The following NRCAM variants were observed in gnomAD, a reference collection of about 807,000 sequenced individuals.
The protein encoded by NRCAM is NgCAM-related cell adhesion molecule.
NRCAM carries 83 observed loss-of-function variants against 156.5 expected under a neutral mutation model. That is an observed-to-expected ratio of 0.53 (90% CI 0.44 to 0.64). NRCAM has a LOEUF of 0.64. NRCAM is among the 30% of genes least tolerant of loss of function. The pLI, the probability that NRCAM is intolerant of heterozygous loss-of-function variation, is 0.00. For missense variants in NRCAM, 1,417 were observed against 1,597.3 expected, an observed-to-expected ratio of 0.89 and a Z score of 1.92; for synonymous variants, 538 against 563.9, an observed-to-expected ratio of 0.95 and a Z score of 0.65.
intron 28 of NRCAM, among the ~76,000 whole-genome samples, chr7:108,171,381 G>C (rs1016867305): frequency 6.6e-6 from 1 of 152,120 alleles, no homozygotes. Flanking sequence ...ATCTGGCCCC[G>C]CCCACTGCTC....
chr7:108,318,931 G>A (rs2098966272), intron 2 of NRCAM, among the ~76,000 whole-genome samples: 1 of 152,208 alleles, frequency 6.6e-6, no homozygotes, highest in Non-Finnish European at 1.5e-5. Context: ...AGACTTCTAT[G>A]TCAAGTGGGA....
At chr7:108,264,474 C>T (rs2097012769) in intron 3 of NRCAM, among the ~76,000 whole-genome samples, 1 of 152,236 alleles carries the variant, frequency 6.6e-6, no homozygotes, top group Non-Finnish European at 1.5e-5. Flanking sequence ...TCTTGGGTCT[C>T]ACCAACAACA....
At chr7:108,338,657 C>A (rs1480863407) in intron 2 of NRCAM, among the ~76,000 whole-genome samples, 1 of 149,852 alleles carries the variant, frequency 6.7e-6, no homozygotes, top group Admixed American at 6.6e-5. Flanking sequence ...GAGAAAGAGG[C>A]AGAGAGACAA....
Position 108,194,411 on chromosome 7 carries a change from C to A in NRCAM, c.1481G>T (p.Gly494Val). 3.1e-6 allele frequency: 5 copies of A among 1,599,674 alleles called. No homozygotes were observed. In the South Asian group the frequency reaches 5.7e-5, roughly 18 times the overall value. ...PTIEWFKGAK[G>V]SALHEDIYVL... ...ATAAATATCTTCATGAAGAGCACTT[C>A]CTTTAGCTCCTTTAAACCTTCATTA... is the stretch of plus-strand genomic sequence containing the variant. The change falls in exon 16 of 33, where the codon GGA becomes GTA. Residue 494 changes from glycine (G) to valine (V), a missense_variant. Around this residue, in one of 2 missense-constraint regions of NRCAM, gnomAD observed 1,238 missense variants for 1,336.4 expected, o/e 0.93. Transcript: ENST00000379028.
At chr7:108,421,549 A>C (rs1398138512) in intron 1 of NRCAM, among the ~76,000 whole-genome samples, 1 of 152,238 alleles carries the variant, frequency 6.6e-6, no homozygotes, top group Admixed American at 6.5e-5. Context: ...CATGAAGTAG[A>C]TATTAGAATC....
At position 108,232,346 on chromosome 7, in the gene NRCAM, T is replaced by C. The variant is rs544436033; in HGVS notation, c.407A>G (p.Asn136Ser). 1 of 1,605,408 alleles carries C rather than the reference T, an allele frequency of 6.2e-7. No homozygotes were observed. Among genetic ancestry groups the C allele is most frequent in the East Asian group, 2.2e-5 (1 of 44,540 alleles). ...CTTACTGGATGGGCGGACAACAATG[T>C]TATTAGAAACTGCAGCTCCGCGTTC... ...RNERGAAVSN[N>S]IVVRPSRSPL... Residue 136 changes from asparagine (N) to serine (S), a missense_variant, in exon 7 of 33, where the codon AAC (asparagine) becomes AGC (serine). Physicochemically the swap from Asn to Ser is conservative, Grantham distance 46 (BLOSUM62 1). Coordinates refer to ENST00000379028, the MANE Select transcript of NRCAM (RefSeq NM_001037132.4).
chr7:108,241,485 A>C (rs2095525378), intron 3 of NRCAM, among the ~76,000 whole-genome samples: 1 of 152,160 alleles, frequency 6.6e-6, no homozygotes. Flanking sequence ...AAACTGCTGT[A>C]CCTCCCACAA....
At chr7:108,285,922 A>G (rs2098081216) in intron 3 of NRCAM, among the ~76,000 whole-genome samples, 1 of 152,188 alleles carries the variant, frequency 6.6e-6, no homozygotes, top group Non-Finnish European at 1.5e-5. Flanking sequence ...TAGCTTCAAA[A>G]CCAAATTAAA....
At chr7:108,283,834 T>C (rs897561336) in intron 3 of NRCAM, among the ~76,000 whole-genome samples, 1 of 152,186 alleles carries the variant, frequency 6.6e-6, no homozygotes, top group Non-Finnish European at 1.5e-5. Flanking sequence ...ATGTCACTCA[T>C]TTCCAAATTC....
chr7:108,395,873 G>T (rs187124693), intron 2 of NRCAM, among the ~76,000 whole-genome samples: 3 of 152,278 alleles, frequency 2.0e-5, no homozygotes, highest in East Asian at 3.9e-4. Flanking sequence ...ACCAAGTCAG[G>T]TAACAGTGGT....
At chr7:108,218,931 G>T (rs117113765) in intron 11 of NRCAM, among the ~76,000 whole-genome samples, 1 of 152,050 alleles carries the variant, frequency 6.6e-6, no homozygotes, top group Non-Finnish European at 1.5e-5. Context: ...CTGGTTCTTC[G>T]AAAAGATAAA....
chr7:108,391,068 T>G (rs939991060), intron 2 of NRCAM, among the ~76,000 whole-genome samples: 1 of 152,210 alleles, frequency 6.6e-6, no homozygotes, highest in African/African-American at 2.4e-5. Flanking sequence ...GGGTGGAAAG[T>G]TCTATAGATG....
At chr7:108,389,873 T>C (rs1010502894) in intron 2 of NRCAM, among the ~76,000 whole-genome samples, 1 of 152,222 alleles carries the variant, frequency 6.6e-6, no homozygotes, top group Non-Finnish European at 1.5e-5. Context: ...GATTTGTGTA[T>C]GTTGAATGAG....
intron 3 of NRCAM, among the ~76,000 whole-genome samples, chr7:108,245,988 C>A (rs1421357918): frequency 1.3e-5 from 2 of 152,220 alleles, no homozygotes; most frequent in Non-Finnish European, 2.9e-5. Context: ...AATAGCAACC[C>A]TGACCAAGGA....
chr7:108,309,429 T>C (rs1420295708), intron 3 of NRCAM, among the ~76,000 whole-genome samples: 4 of 152,236 alleles, frequency 2.6e-5, no homozygotes, highest in Admixed American at 2.6e-4. Context: ...CATGAGCTTT[T>C]AATCTTCAGC....
chr7:108,310,533 C>T (rs1411911297), intron 3 of NRCAM, among the ~76,000 whole-genome samples: 4 of 152,126 alleles, frequency 2.6e-5, no homozygotes, highest in African/African-American at 9.7e-5. Context: ...ACAATTCTGG[C>T]TGCATGCATT....
intron 1 of NRCAM, among the ~76,000 whole-genome samples, chr7:108,439,645 A>G (rs1179435641): frequency 6.6e-6 from 1 of 152,014 alleles, no homozygotes; most frequent in Non-Finnish European, 1.5e-5. Context: ...ACCTGAGGTC[A>G]GGAGTTTGAG....
At chr7:108,325,087 G>C (rs2099053581) in intron 2 of NRCAM, among the ~76,000 whole-genome samples, 1 of 151,732 alleles carries the variant, frequency 6.6e-6, no homozygotes, top group South Asian at 2.1e-4. Flanking sequence ...CTACTCAAAG[G>C]GAAGATTCTG....
intron 3 of NRCAM, among the ~76,000 whole-genome samples, chr7:108,251,993 T>G (rs1232088406): frequency 6.6e-6 from 1 of 152,030 alleles, no homozygotes; most frequent in Admixed American, 6.6e-5. Context: ...TGGCAGAGCA[T>G]CCAACAGAAT....
Sources: gnomAD v4.1 joint callset for allele counts (sites outside exome capture counted in the v4.1 genomes callset) on GRCh38, gnomAD v4.1.1 for gene constraint, gnomAD v4.1.1 regional missense constraint, MANE v1.5 for transcripts, NCBI Gene and HGNC (gene_info 2026-07-23, HGNC 2026-07-21) for gene names.